Variants in CCDC69 observed in about 807,000 individuals in gnomAD.
The protein encoded by CCDC69 is coiled-coil domain-containing protein 69.
Under a neutral mutation model 40.3 loss-of-function variants are expected in CCDC69, and 38 were observed. The observed-to-expected ratio is 0.94, with a 90% CI of 0.73 to 1.24. The LOEUF is 1.24. Ranked by LOEUF, CCDC69 falls within the 50% of genes most tolerant of loss-of-function variation. CCDC69 has a pLI of 0.00. For missense variants in CCDC69, 389 were observed against 357.9 expected, an observed-to-expected ratio of 1.09 and a Z score of -0.70; for synonymous variants, 141 against 138.9, an observed-to-expected ratio of 1.02 and a Z score of -0.11.
intron 1 of CCDC69, among the ~76,000 whole-genome samples, chr5:151,214,294 A>T (rs761801925): frequency 6.6e-6 from 1 of 152,292 alleles, no homozygotes; most frequent in South Asian, 2.1e-4. Flanking sequence ...GTCAGAGCCT[A>T]TTGGCCGAGG....
intron 4 of CCDC69, among the ~76,000 whole-genome samples, chr5:151,194,891 CAAA>C (rs59836328): frequency 3.3e-5 from 3 of 92,300 alleles, no homozygotes; most frequent in Admixed American, 1.3e-4. Context: ...GCCTCCATCT[CAAA>C]AAAAAAAAAA....
At position 151,194,033 on chromosome 5, in the gene CCDC69, A is replaced by C. The variant is rs115824916; in HGVS notation, c.319+4964T>G. 9.7e-3 allele frequency among the ~76,000 whole-genome samples: 1,473 copies of C among 152,364 alleles called. 23 individuals are homozygous for C. The highest frequency in any genetic ancestry group is 0.034 in the African/African-American group (1,412 of 41,592). On this transcript the variant is annotated intron_variant, in intron 4 of 8. Transcript: ENST00000355417. The stretch of plus-strand genomic sequence containing the variant: ...GTGAAGATTACTGCACACCTATTAG[A>C]ACAGCTAAAATAAAAAACCAGTGAC...
intron 5 of CCDC69, 62 bp downstream of exon 5, chr5:151,187,324 C>T: frequency 6.7e-7 from 1 of 1,487,632 alleles, no homozygotes; most frequent in Non-Finnish European, 9.4e-7. Context: ...GGGCTCCATG[C>T]TGCTTTCCCA....
intron 3 of CCDC69, 130 bp downstream of exon 3, chr5:151,201,452 C>T (rs1248207844): frequency 9.9e-6 from 6 of 607,032 alleles, no homozygotes; most frequent in Non-Finnish European, 1.8e-5. Context: ...AGATAAAGGA[C>T]TCCCTTCCTG....
rs374975413 is a variant in CCDC69, at chr5:151,194,848, C to T, written c.319+4149G>A. Among the ~76,000 whole-genome samples, 132 of 144,714 alleles carry T rather than the reference C, an allele frequency of 9.1e-4. No homozygotes were observed. The East Asian group carries it at 0.014, about 16-fold the overall frequency. The allele number at this position is 144,714 out of a possible 152,430, so 94.9% of individuals were successfully genotyped here. The stretch of plus-strand genomic sequence containing the variant: ...CGGAGGTTGCAGTGAGCCGAGATCA[C>T]GCCACTGCACTCCAGCCTGGGTGAC... On this transcript the variant is annotated intron_variant, in intron 4 of 8. Transcript: ENST00000355417.
intron 1 of CCDC69, among the ~76,000 whole-genome samples, chr5:151,208,809 A>G (rs570586543): frequency 6.6e-6 from 1 of 152,344 alleles, no homozygotes; most frequent in Non-Finnish European, 1.5e-5. Context: ...CAGCTCTGTT[A>G]CAAACTTGGG....
At chr5:151,213,316 G>A (rs540552713) in intron 1 of CCDC69, among the ~76,000 whole-genome samples, 7 of 152,156 alleles carry the variant, frequency 4.6e-5, no homozygotes, top group South Asian at 2.1e-4. Flanking sequence ...GCGTGATCTC[G>A]GCTCACTGCA....
At chr5:151,197,052 C>T (rs1241436414) in intron 4 of CCDC69, among the ~76,000 whole-genome samples, 2 of 151,824 alleles carry the variant, frequency 1.3e-5, no homozygotes, top group Non-Finnish European at 2.9e-5. Flanking sequence ...AGTGTAGATG[C>T]ATGCTGCAAC....
At chr5:151,200,396 C>T (rs1336848023) in intron 3 of CCDC69, among the ~76,000 whole-genome samples, 2 of 152,148 alleles carry the variant, frequency 1.3e-5, no homozygotes, top group Non-Finnish European at 2.9e-5. Flanking sequence ...GCCTCGGCCT[C>T]CCAAAGTGCT....
intron 3 of CCDC69, among the ~76,000 whole-genome samples, chr5:151,200,215 T>C (rs1752758253): frequency 6.6e-6 from 1 of 152,058 alleles, no homozygotes; most frequent in Non-Finnish European, 1.5e-5. Context: ...CTCAGCTCAC[T>C]GCAACCTCTG....
chr5:151,194,086 G>C lies in CCDC69; in HGVS notation c.319+4911C>G, dbSNP rs566865183. 1.2e-4 allele frequency among the ~76,000 whole-genome samples: 18 copies of C among 152,332 alleles called. No individual in the cohort carries two copies. The South Asian group carries it at 3.5e-3, about 30-fold the overall frequency. On this transcript the variant is annotated intron_variant, in intron 4 of 8. Coordinates refer to ENST00000355417, the MANE Select transcript of CCDC69 (RefSeq NM_015621.3). ...CAAGTATTGGCATGAAGTAGCAACGGTATAACTCATACATCACAGATGGTG... is the reference window on the plus strand; with the variant it reads ...CAAGTATTGGCATGAAGTAGCAACGCTATAACTCATACATCACAGATGGTG...
At chr5:151,207,315 G>A (rs2113997524) in intron 1 of CCDC69, among the ~76,000 whole-genome samples, 1 of 150,562 alleles carries the variant, frequency 6.6e-6, no homozygotes, top group Non-Finnish European at 1.5e-5. Context: ...TATTTTAGAT[G>A]GAGTCTCGCT....
At chr5:151,220,225 T>C (rs1753114815) in intron 1 of CCDC69, among the ~76,000 whole-genome samples, 1 of 152,210 alleles carries the variant, frequency 6.6e-6, no homozygotes, top group South Asian at 2.1e-4. Context: ...CCTCCTTATC[T>C]CCTTCAAAGG....
At chr5:151,202,230 A>T (rs1355375605) in intron 2 of CCDC69, among the ~76,000 whole-genome samples, 1 of 149,766 alleles carries the variant, frequency 6.7e-6, no homozygotes, top group Admixed American at 6.7e-5. Flanking sequence ...GCATGATGGC[A>T]TGCACCTGCA....
chr5:151,202,271 G>A (rs1433376197), intron 2 of CCDC69, among the ~76,000 whole-genome samples: 1 of 152,018 alleles, frequency 6.6e-6, no homozygotes, highest in African/African-American at 2.4e-5. Context: ...CAAAGCAGGA[G>A]GATGGTTTGA....
chr5:151,202,964 T>C (rs886556786), intron 2 of CCDC69, among the ~76,000 whole-genome samples: 5 of 152,228 alleles, frequency 3.3e-5, no homozygotes, highest in African/African-American at 1.2e-4. Flanking sequence ...GAGCTTACCA[T>C]GCCTGCAACA....
chr5:151,221,513 T>C (rs1753134390), intron 1 of CCDC69, among the ~76,000 whole-genome samples: 1 of 152,198 alleles, frequency 6.6e-6, no homozygotes, highest in Non-Finnish European at 1.5e-5. Context: ...TTCACTCAAA[T>C]ATCTACTTAA....
chr5:151,224,070 GC>G lies in CCDC69; in HGVS notation c.-101del. 2 of 1,098,052 alleles carry G rather than the reference GC, an allele frequency of 1.8e-6. No individual in the cohort carries two copies. The highest frequency in any genetic ancestry group is 1.7e-5 in the African/African-American group (1 of 60,008). 68.0% of individuals were successfully genotyped at this position (1,098,052 alleles called of 1,614,324 possible). ...GCCCGCTCCGCGCCCGCCGGCTGGG[GC>G]TGCCGGCGAGACCCTGAAACTGAAC... On this transcript the variant is annotated 5_prime_UTR_variant, in exon 1 of 9. Transcript: ENST00000355417.
At chr5:151,205,903 C>A (rs897172793) in intron 1 of CCDC69, among the ~76,000 whole-genome samples, 1 of 152,176 alleles carries the variant, frequency 6.6e-6, no homozygotes, top group African/African-American at 2.4e-5. Flanking sequence ...GGAGAAAACT[C>A]AAACCATTTT....
Sources: allele counts gnomAD v4.1 joint callset (sites outside exome capture counted in the v4.1 genomes callset), GRCh38; gene constraint gnomAD v4.1.1; transcripts MANE v1.5; gene names NCBI Gene and HGNC (gene_info 2026-07-23, HGNC 2026-07-21).